Variants in C1orf105 observed in about 807,000 individuals in gnomAD.
The protein encoded by C1orf105 is chromosome 1 open reading frame 105.
In C1orf105, 17 loss-of-function variants were observed where a neutral mutation model predicts 20.8. That is an observed-to-expected ratio of 0.82 (90% CI 0.56 to 1.23). The LOEUF (loss-of-function observed/expected upper bound fraction) is 1.23, where lower values mean the gene tolerates loss of function less well. Ranked by LOEUF, C1orf105 falls within the 50% of genes most tolerant of loss-of-function variation. The probability of loss-of-function intolerance (pLI) is 0.00; values close to 1 mark genes in which losing one functional copy is unlikely to be tolerated. For synonymous variants in C1orf105, 72 were observed against 72.1 expected, an observed-to-expected ratio of 1.00 and a Z score of 0.01; for missense variants, 219 against 213.5, an observed-to-expected ratio of 1.03 and a Z score of -0.16.
At chr1:172,442,127 A>G (rs1299289404) in intron 1 of C1orf105, 1 of 1,614,226 alleles carries the variant, frequency 6.2e-7, no homozygotes, top group Non-Finnish European at 8.5e-7. Flanking sequence ...TTGGCACCAT[A>G]GTCAAAAAAG....
At chr1:172,421,680 A>G (rs977449487) in intron 1 of C1orf105, among the ~76,000 whole-genome samples, 1 of 152,164 alleles carries the variant, frequency 6.6e-6, no homozygotes, top group Admixed American at 6.5e-5. Flanking sequence ...CTTCATAAGA[A>G]CCAAAAATCA....
chr1:172,452,466 A>G (rs1648756307), intron 3 of C1orf105, among the ~76,000 whole-genome samples: 1 of 152,242 alleles, frequency 6.6e-6, no homozygotes, highest in African/African-American at 2.4e-5. Context: ...TTTAATCACA[A>G]GCTGGTGCTT....
rs111314723 is a variant in C1orf105, at chr1:172,421,695, T to C, written c.21+789T>C. Among the ~76,000 whole-genome samples, 293 of 152,220 alleles carry C rather than the reference T, an allele frequency of 1.9e-3. 1 individual carries two copies. The highest frequency in any genetic ancestry group is 6.7e-3 in the African/African-American group (279 of 41,520). ...CTTCATAAGAACCAAAAATCAGTGA[T>C]CACAAAGTGATCACAGTACCTGGTT... On this transcript the variant is annotated intron_variant, in intron 1 of 6. Transcript: ENST00000367727.
intron 1 of C1orf105, among the ~76,000 whole-genome samples, chr1:172,425,376 G>T (rs116571058): frequency 1.3e-5 from 2 of 152,264 alleles, no homozygotes; most frequent in South Asian, 4.1e-4. Flanking sequence ...GGAGGAAAAT[G>T]ATGTTTTAAT....
rs188114302 is a variant in C1orf105 at position 172,432,382 on chromosome 1, G to A, written c.21+11476G>A. ...ATACAGGTGGGTGCCTCTCTGGGAC[G>A]AAGATTCCAGAGGAAGGATCAGGCA... is the stretch of plus-strand genomic sequence containing the variant. On this transcript the variant is annotated intron_variant, in intron 1 of 6. Transcript: ENST00000367727. Among the ~76,000 whole-genome samples the A allele has an allele frequency of 3.2e-3, 495 of 152,314 alleles. 2 individuals carry two copies. Among genetic ancestry groups the A allele is most frequent in the African/African-American group, 0.011 (460 of 41,566 alleles).
intron 1 of C1orf105, among the ~76,000 whole-genome samples, chr1:172,437,260 A>G (rs1318260899): frequency 6.6e-6 from 1 of 152,194 alleles, no homozygotes; most frequent in Non-Finnish European, 1.5e-5. Flanking sequence ...ATTATAAATC[A>G]TGCTACTATA....
At chr1:172,422,732 T>A (rs942986731) in intron 1 of C1orf105, among the ~76,000 whole-genome samples, 7 of 149,234 alleles carry the variant, frequency 4.7e-5, no homozygotes, top group Admixed American at 3.4e-4. Context: ...TCTGGACCTA[T>A]TCTAGGCCAG....
intron 1 of C1orf105, among the ~76,000 whole-genome samples, chr1:172,427,774 C>G (rs2071760324): frequency 6.6e-6 from 1 of 152,284 alleles, no homozygotes; most frequent in East Asian, 1.9e-4. Context: ...TTTGCTTCTT[C>G]TTCGCCTCAA....
chr1:172,468,513 A>G lies in C1orf105; in HGVS notation c.471A>G (p.Thr157=). 1.2e-6 allele frequency: 2 copies of G among 1,614,048 alleles called. No individual in the cohort carries two copies. The highest frequency in any genetic ancestry group is 1.7e-5 in the Admixed American group (1 of 60,022). Residue 157 remains threonine (T), a synonymous_variant, in exon 7 of 7, where the codon ACA becomes ACG. Transcript: ENST00000367727. The stretch of plus-strand genomic sequence containing the variant: ...CAGCTGTCTTCCACGGATTACTGAC[A>G]GAGGCCTACAAAACTCTAAAAGAGA... ...PRTAVFHGLL[T]EAYKTLKERQ...
chr1:172,466,573 TACACACACACACACACACACACACAC>T (rs3980398), intron 6 of C1orf105, among the ~76,000 whole-genome samples: 79 of 147,302 alleles, frequency 5.4e-4, no homozygotes, highest in African/African-American at 1.4e-3. Flanking sequence ...ATGAATCACA[TACACACACACACACACACACACACAC>T]ACACACACAC....
chr1:172,430,998 T>C, intron 1 of C1orf105: 1 of 550,900 alleles, frequency 1.8e-6, no homozygotes, highest in East Asian at 3.0e-5. Flanking sequence ...GATATGTGTG[T>C]GTGTTCTGAC....
At chr1:172,427,932 T>G (rs1487729547) in intron 1 of C1orf105, among the ~76,000 whole-genome samples, 1 of 152,160 alleles carries the variant, frequency 6.6e-6, no homozygotes, top group African/African-American at 2.4e-5. Context: ...TCCAAGGTCA[T>G]ATTTCCTATA....
chr1:172,429,334 A>G lies in C1orf105; in HGVS notation c.21+8428A>G, dbSNP rs1362024277. ...TTGGGTGCTCTAAAATACAGGTGCT[A>G]TTATTTATCAAACCCCAGTATGCTA... On this transcript the variant is annotated intron_variant, in intron 1 of 6. Coordinates refer to ENST00000367727, the MANE Select transcript of C1orf105 (RefSeq NM_139240.4). 3.3e-5 allele frequency among the ~76,000 whole-genome samples: 5 copies of G among 152,220 alleles called. No homozygotes were observed. In the East Asian group the frequency reaches 9.6e-4, roughly 29 times the overall value.
chr1:172,458,116 C>T (rs1429824635), intron 4 of C1orf105, among the ~76,000 whole-genome samples: 3 of 152,216 alleles, frequency 2.0e-5, no homozygotes, highest in African/African-American at 7.2e-5. Context: ...TAACAGCTAA[C>T]ACCCTACTTA....
chr1:172,444,624 A>G (rs1466131107), intron 1 of C1orf105, among the ~76,000 whole-genome samples: 1 of 152,258 alleles, frequency 6.6e-6, no homozygotes, highest in Non-Finnish European at 1.5e-5. Context: ...CCTGGGAAGT[A>G]GATGAACAGA....
intron 4 of C1orf105, among the ~76,000 whole-genome samples, chr1:172,459,057 G>T (rs146247858): frequency 1.3e-3 from 194 of 152,172 alleles, no homozygotes; most frequent in African/African-American, 4.5e-3. Context: ...ATAGGTCAAA[G>T]AGCTAAATGT....
chr1:172,429,895 T>C (rs1348788303), intron 1 of C1orf105, among the ~76,000 whole-genome samples: 1 of 152,184 alleles, frequency 6.6e-6, no homozygotes, highest in African/African-American at 2.4e-5. Flanking sequence ...TCCTTAATCC[T>C]TGGCACCATT....
At chr1:172,451,241 A>G (rs1302601616) in intron 3 of C1orf105, 1 of 152,060 alleles carries the variant, frequency 6.6e-6, no homozygotes, top group Non-Finnish European at 1.5e-5. Context: ...ATGCCACTCC[A>G]CCCTCTCAAT....
intron 6 of C1orf105, among the ~76,000 whole-genome samples, chr1:172,468,044 T>A (rs1264819798): frequency 1.3e-5 from 2 of 152,192 alleles, no homozygotes; most frequent in African/African-American, 4.8e-5. Flanking sequence ...GAACTATATA[T>A]GTGTCCCTGA....
Sources: allele counts gnomAD v4.1 joint callset (sites outside exome capture counted in the v4.1 genomes callset), GRCh38; gene constraint gnomAD v4.1.1; transcripts MANE v1.5; gene names NCBI Gene and HGNC (gene_info 2026-07-23, HGNC 2026-07-21).